The following PLEKHA5 variants were observed in gnomAD, a reference collection of about 807,000 sequenced individuals.
PLEKHA5 encodes the protein pleckstrin homology domain containing A5.
In PLEKHA5, 55 loss-of-function variants were observed where a neutral mutation model predicts 181.9. That is an observed-to-expected ratio of 0.30 (90% CI 0.24 to 0.38). The LOEUF is 0.38. Among genes scored for constraint, PLEKHA5 ranks in the 10% least tolerant of loss-of-function variants. The pLI, the probability that PLEKHA5 is intolerant of heterozygous loss-of-function variation, is 1.00. For missense variants in PLEKHA5, 1,432 were observed against 1,549.5 expected (o/e 0.92, Z 1.27); for synonymous variants, 535 against 529.4 (o/e 1.01, Z -0.15).
chr12:19,255,257 T>TG, intron 5 of PLEKHA5, 92 bp downstream of exon 5: 1 of 702,488 alleles, frequency 1.4e-6, no homozygotes, highest in Non-Finnish European at 2.1e-6. Flanking sequence ...AGAATAATAA[T>TG]TACATTTTTA....
Position 19,130,213 on chromosome 12 carries a change from C to T in PLEKHA5, c.169+83C>T, listed in dbSNP as rs1165452785. ...CCGCCCGGCTCCCCGCAACCTGCCC[C>T]GCGCCGCGGGCCCCGGGAGGCGGCG... On this transcript the variant is annotated intron_variant, in intron 2 of 31. Transcript: ENST00000429027. The surrounding 1 kb of genome is among the most constrained non-coding windows in gnomAD (Gnocchi z 4.5). The T allele has an allele frequency of 2.6e-6, 2 of 780,922 alleles. No individual in the cohort carries two copies. The highest frequency in any genetic ancestry group is 1.8e-5 in the African/African-American group (1 of 54,224). The allele number at this position is 780,922 out of a possible 1,614,324, so 48.4% of individuals were successfully genotyped here. A position where few individuals can be genotyped will look rare whatever the true frequency, so the allele number is the denominator to read the frequency against.
intron 15 of PLEKHA5, among the ~76,000 whole-genome samples, chr12:19,311,998 G>A (rs2086710631): frequency 6.6e-6 from 1 of 152,160 alleles, no homozygotes; most frequent in Admixed American, 6.5e-5. Flanking sequence ...GCTGCAGAAT[G>A]GATGTTATGT....
chr12:19,268,892 A>G (rs2071514803), intron 8 of PLEKHA5, among the ~76,000 whole-genome samples: 3 of 152,226 alleles, frequency 2.0e-5, no homozygotes. Context: ...CAGCTCAAAA[A>G]GAAAACACCA....
At chr12:19,294,934 A>G (rs2079378858) in intron 15 of PLEKHA5, among the ~76,000 whole-genome samples, 1 of 152,188 alleles carries the variant, frequency 6.6e-6, no homozygotes, top group Non-Finnish European at 1.5e-5. Context: ...AACAATAGAT[A>G]TACTAATTAC....
At position 19,129,754 on chromosome 12, in the gene PLEKHA5, C is replaced by G; in HGVS notation, c.-46C>G. 1 of 1,460,994 alleles carries G rather than the reference C, an allele frequency of 6.8e-7. No homozygotes were observed. Among genetic ancestry groups the G allele is most frequent in the Non-Finnish European group, 9.5e-7 (1 of 1,055,884 alleles). The allele number at this position is 1,460,994 out of a possible 1,614,324, so 90.5% of individuals were successfully genotyped here. On this transcript the variant is annotated 5_prime_UTR_variant, in exon 1 of 32. Coordinates refer to ENST00000429027, the MANE Select transcript of PLEKHA5 (RefSeq NM_001256470.2). Reference sequence around the variant, plus strand: ...GCTCGTTCCCTCCTCCCTCGGCAGCCGCGGCGGCAGCAGGAGAAGGCGGCG... The same window carrying G: ...GCTCGTTCCCTCCTCCCTCGGCAGCGGCGGCGGCAGCAGGAGAAGGCGGCG...
At chr12:19,295,581 G>C (rs1317877406) in intron 15 of PLEKHA5, among the ~76,000 whole-genome samples, 1 of 152,044 alleles carries the variant, frequency 6.6e-6, no homozygotes, top group Non-Finnish European at 1.5e-5. Context: ...TTTCTTAACA[G>C]GGCAGATCAA....
intron 3 of PLEKHA5, among the ~76,000 whole-genome samples, chr12:19,156,895 C>CAA (rs3056381): frequency 0.096 from 12,531 of 130,408 alleles, 748 homozygotes; most frequent in African/African-American, 0.17. Flanking sequence ...CAAAAAATAC[C>CAA]AAAAAAAAAA....
At chr12:19,335,628 G>A (rs1482531013) in intron 20 of PLEKHA5, among the ~76,000 whole-genome samples, 1 of 133,634 alleles carries the variant, frequency 7.5e-6, no homozygotes, top group Non-Finnish European at 1.6e-5. Flanking sequence ...ACAGGGTTTG[G>A]TTACGTTGGT....
chr12:19,319,646 T>C (rs2090093613), intron 16 of PLEKHA5: 1 of 178,080 alleles, frequency 5.6e-6, no homozygotes, highest in South Asian at 1.3e-4. Context: ...TTTTCTACTG[T>C]GTTTTTGTTA....
At chr12:19,174,094 T>C (rs767085413) in intron 3 of PLEKHA5, among the ~76,000 whole-genome samples, 1 of 152,224 alleles carries the variant, frequency 6.6e-6, no homozygotes, top group Non-Finnish European at 1.5e-5. Context: ...TTTAATAATA[T>C]CATGAGTAGA....
Position 19,320,578 on chromosome 12 carries a change from G to A in PLEKHA5, c.2171G>A (p.Gly724Asp). Residue 724 changes from glycine to aspartate, a missense_variant, in exon 18 of 32, where the codon GGT becomes GAT. Around this residue, in one of 2 missense-constraint regions of PLEKHA5, gnomAD observed 1,143 missense variants for 1,168.4 expected, o/e 0.98. Coordinates refer to ENST00000429027, the MANE Select transcript of PLEKHA5 (RefSeq NM_001256470.2). ...ISLYCLSQDE[G>D]RGTLYKYRPE... is the part of the protein sequence containing the mutation. ...TTCTTATAGCTGTCACAAGATGAAG[G>A]TAGAGGCACATTATACAAATACAGA... 3.3e-6 allele frequency: 5 copies of A among 1,514,098 alleles called. No individual in the cohort carries two copies. Among genetic ancestry groups the A allele is most frequent in the Non-Finnish European group, 4.6e-6 (5 of 1,097,728 alleles). The allele number at this position is 1,514,098 out of a possible 1,614,324, so 93.8% of individuals were successfully genotyped here.
At chr12:19,291,013 AC>A (rs5796795) in intron 14 of PLEKHA5, among the ~76,000 whole-genome samples, 8,938 of 152,102 alleles carry the variant, frequency 0.059, 445 homozygotes, top group East Asian at 0.18. Flanking sequence ...TTAGCCTTCT[AC>A]CCCACCCGCT....
chr12:19,227,733 A>G (rs1464955862), intron 3 of PLEKHA5, among the ~76,000 whole-genome samples: 3 of 152,200 alleles, frequency 2.0e-5, no homozygotes, highest in Admixed American at 6.5e-5. Context: ...CCTTCCCTGA[A>G]TAAAGTTGAG....
At chr12:19,213,408 T>C (rs954197757) in intron 3 of PLEKHA5, among the ~76,000 whole-genome samples, 1 of 152,172 alleles carries the variant, frequency 6.6e-6, no homozygotes, top group African/African-American at 2.4e-5. Context: ...GAACAGGTCC[T>C]TCAGTGCTGC....
At chr12:19,181,891 C>T (rs930316831) in intron 3 of PLEKHA5, among the ~76,000 whole-genome samples, 1 of 152,076 alleles carries the variant, frequency 6.6e-6, no homozygotes, top group Non-Finnish European at 1.5e-5. Flanking sequence ...AACTGCAATT[C>T]GACTACATTC....
At chr12:19,143,369 T>C (rs1254187769) in intron 3 of PLEKHA5, among the ~76,000 whole-genome samples, 1 of 152,252 alleles carries the variant, frequency 6.6e-6, no homozygotes, top group East Asian at 1.9e-4. Context: ...ACGTTTAGTG[T>C]ATATGCTTCT....
At position 19,334,855 on chromosome 12, in the gene PLEKHA5, T is replaced by A. The variant is rs1274859750; in HGVS notation, c.2449-1660T>A. ...ATATATATATATATATATATATATA[T>A]ATATATATATATATCTCTGTATACG... On this transcript the variant is annotated intron_variant, in intron 20 of 31. Transcript: ENST00000429027. 4.7e-4 allele frequency among the ~76,000 whole-genome samples: 31 copies of A among 65,858 alleles called. 5 individuals carry two copies. The highest frequency in any genetic ancestry group is 3.6e-3 in the South Asian group (7 of 1,930). The allele number at this position is 65,858 out of a possible 152,430, so 43.2% of individuals were successfully genotyped here. A position where few individuals can be genotyped will look rare whatever the true frequency, so the allele number is the denominator to read the frequency against.
chr12:19,336,449 A>G (rs750491237), intron 20 of PLEKHA5, 66 bp from the exon 21 acceptor site: 7 of 800,146 alleles, frequency 8.7e-6, no homozygotes, highest in South Asian at 1.5e-5. Context: ...GAAAGTTACA[A>G]TTGGAGTGAT....
chr12:19,155,049 G>A (rs921609868), intron 3 of PLEKHA5, among the ~76,000 whole-genome samples: 7 of 152,154 alleles, frequency 4.6e-5, no homozygotes, highest in East Asian at 1.9e-4. Flanking sequence ...AGTCAGAAAC[G>A]TAGGAAGGAA....
Sources: allele counts gnomAD v4.1 joint callset (sites outside exome capture counted in the v4.1 genomes callset), GRCh38; gene constraint gnomAD v4.1.1; regional missense constraint gnomAD v4.1.1; non-coding constraint Gnocchi (gnomAD v3.1); transcripts MANE v1.5; gene names NCBI Gene and HGNC (gene_info 2026-07-23, HGNC 2026-07-21).